Variants in SIPA1L2 observed in about 807,000 individuals in gnomAD.
SIPA1L2 encodes signal-induced proliferation-associated 1-like protein 2.
SIPA1L2 carries 56 observed loss-of-function variants against 163.9 expected under a neutral mutation model. The observed-to-expected ratio is 0.34, with a 90% CI of 0.28 to 0.43. The LOEUF (loss-of-function observed/expected upper bound fraction) is 0.43. SIPA1L2 is among the 20% of genes least tolerant of loss of function. SIPA1L2 has a pLI of 1.00. For synonymous variants in SIPA1L2, 877 were observed against 865.7 expected, an observed-to-expected ratio of 1.01 and a Z score of -0.23; for missense variants, 1,974 against 2,193.5, an observed-to-expected ratio of 0.90 and a Z score of 2.00.
intron 2 of SIPA1L2, among the ~76,000 whole-genome samples, chr1:232,570,306 T>A (rs1305114968): frequency 3.3e-5 from 5 of 152,134 alleles, no homozygotes; most frequent in Non-Finnish European, 7.4e-5. Flanking sequence ...AATCCTAACT[T>A]CGCCAATGGG....
intron 2 of SIPA1L2, among the ~76,000 whole-genome samples, chr1:232,523,582 A>C (rs997448366): frequency 2.6e-5 from 4 of 152,228 alleles, no homozygotes; most frequent in Non-Finnish European, 5.9e-5. Context: ...AATCTGTCCT[A>C]TTCTTTAAAT....
chr1:232,540,867 C>A (rs1348894779), intron 2 of SIPA1L2, among the ~76,000 whole-genome samples: 1 of 152,184 alleles, frequency 6.6e-6, no homozygotes, highest in Admixed American at 6.5e-5. Flanking sequence ...TTACAGAACA[C>A]TCACTGTGTG....
At chr1:232,475,313 G>A (rs940512142) in intron 7 of SIPA1L2, among the ~76,000 whole-genome samples, 1 of 152,118 alleles carries the variant, frequency 6.6e-6, no homozygotes. Context: ...CTCTTGCCTG[G>A]AAAGCTCCTC....
At chr1:232,411,483 C>T (rs1660953717) in intron 19 of SIPA1L2, among the ~76,000 whole-genome samples, 2 of 152,020 alleles carry the variant, frequency 1.3e-5, no homozygotes, top group Non-Finnish European at 2.9e-5. Flanking sequence ...TTCATTTGTA[C>T]TTTTTTATAT....
At chr1:232,479,455 C>T (rs747425689) in intron 7 of SIPA1L2, among the ~76,000 whole-genome samples, 172 bp downstream of exon 7, 10 of 152,184 alleles carry the variant, frequency 6.6e-5, no homozygotes, top group Non-Finnish European at 1.0e-4. Context: ...TGCAACAATA[C>T]GCCCTTTAAA....
intron 2 of SIPA1L2, among the ~76,000 whole-genome samples, 74 bp downstream of exon 2, chr1:232,574,100 T>C (rs1165131731): frequency 1.3e-5 from 2 of 152,110 alleles, no homozygotes; most frequent in Non-Finnish European, 2.9e-5. Context: ...TAAAAAAAAT[T>C]AGTGGGACAC....
At chr1:232,450,265 G>A (rs1022615347) in intron 10 of SIPA1L2, among the ~76,000 whole-genome samples, 20 of 152,056 alleles carry the variant, frequency 1.3e-4, no homozygotes, top group Non-Finnish European at 2.4e-4. Context: ...AATTACATTG[G>A]GTTGCATCAT....
At chr1:232,495,489 T>A (rs1666136296) in intron 3 of SIPA1L2, among the ~76,000 whole-genome samples, 1 of 146,758 alleles carries the variant, frequency 6.8e-6, no homozygotes, top group Non-Finnish European at 1.5e-5. Flanking sequence ...GGCGTGAACC[T>A]GGGAGGTGGA....
chr1:232,497,236 T>C (rs565233046), intron 3 of SIPA1L2, among the ~76,000 whole-genome samples: 21 of 152,328 alleles, frequency 1.4e-4, no homozygotes, highest in Non-Finnish European at 2.2e-4. Context: ...CTACACTGAT[T>C]GTGGCAATGG....
In SIPA1L2 at chr1:232,445,523, C is replaced by A; in HGVS notation, c.3353+6G>T. ...GCCCCCCTTGAGGAAACGGAACCAG[C>A]ATTACCTCGTGCCATCGGGCAGCTT... On this transcript the variant is annotated splice_donor_region_variant and intron_variant, in intron 11 of 22. Coordinates refer to ENST00000674635, the MANE Select transcript of SIPA1L2 (RefSeq NM_020808.5). The A allele has an allele frequency of 2.5e-6, 4 of 1,613,546 alleles. No individual in the cohort carries two copies. Among genetic ancestry groups the A allele is most frequent in the Non-Finnish European group, 3.4e-6 (4 of 1,179,834 alleles).
chr1:232,490,904 T>C lies in SIPA1L2; in HGVS notation c.1776A>G (p.Ser592=). 1 of 1,614,090 alleles carries C rather than the reference T, an allele frequency of 6.2e-7. No individual in the cohort carries two copies. Among genetic ancestry groups the C allele is most frequent in the African/African-American group, 1.3e-5 (1 of 75,050 alleles). Residue 592 remains serine (S), a synonymous_variant, in exon 5 of 23, where the codon TCA becomes TCG. Transcript: ENST00000674635. Reference sequence around the variant, plus strand: ...GTTCATCAAGCTTGAGCAGCTGCTCTGAGACCTTGGGTGAGTTGGAAGCCT... The same window carrying C: ...GTTCATCAAGCTTGAGCAGCTGCTCCGAGACCTTGGGTGAGTTGGAAGCCT... The part of the protein sequence containing the change: ...LRQASNSPKV[S]EQLLKLDEQG...
At chr1:232,511,071 C>T (rs61168049) in intron 3 of SIPA1L2, among the ~76,000 whole-genome samples, 2,594 of 152,222 alleles carry the variant, frequency 0.017, 86 homozygotes, top group African/African-American at 0.06. Flanking sequence ...TCTCCATCTC[C>T]CTTTCCAAAA....
At chr1:232,441,615 C>T (rs2102862161) in intron 13 of SIPA1L2, among the ~76,000 whole-genome samples, 153 bp downstream of exon 13, 1 of 152,272 alleles carries the variant, frequency 6.6e-6, no homozygotes, top group South Asian at 2.1e-4. Flanking sequence ...CATGACCACA[C>T]CCCCTCCTGC....
At chr1:232,445,898 G>A (rs2102874294) in intron 10 of SIPA1L2, 112 bp from the exon 11 acceptor site, 1 of 1,220,764 alleles carries the variant, frequency 8.2e-7, no homozygotes, top group Non-Finnish European at 1.2e-6. Flanking sequence ...GCCTCTCCCG[G>A]CTCCAAGTCA....
At chr1:232,594,729 A>T (rs1661163518) in intron 1 of SIPA1L2, among the ~76,000 whole-genome samples, 1 of 152,082 alleles carries the variant, frequency 6.6e-6, no homozygotes, top group Admixed American at 6.5e-5. Context: ...AAAAAGTCCT[A>T]GTCTCTAAAT....
chr1:232,511,895 G>A (rs1223730787), intron 3 of SIPA1L2, among the ~76,000 whole-genome samples: 1 of 152,138 alleles, frequency 6.6e-6, no homozygotes, highest in Non-Finnish European at 1.5e-5. Context: ...TTAAACTAAA[G>A]AGCTTCTACA....
At chr1:232,498,004 T>C (rs1343321732) in intron 3 of SIPA1L2, among the ~76,000 whole-genome samples, 2 of 152,180 alleles carry the variant, frequency 1.3e-5, no homozygotes, top group African/African-American at 4.8e-5. Flanking sequence ...TCTTCCACTT[T>C]TCTTCACTTG....
chr1:232,443,727 C>A (rs748563562), intron 11 of SIPA1L2, 42 bp from the exon 12 acceptor site: 2 of 1,528,340 alleles, frequency 1.3e-6, no homozygotes, highest in Non-Finnish European at 1.8e-6. Flanking sequence ...ACTGAACTAT[C>A]TGCCAAGCCC....
chr1:232,553,667 T>C (rs1573073366), intron 2 of SIPA1L2, among the ~76,000 whole-genome samples: 1 of 152,218 alleles, frequency 6.6e-6, no homozygotes, highest in African/African-American at 2.4e-5. Flanking sequence ...ATATTTATAC[T>C]CTTACCCCTG....
Sources: gnomAD v4.1 joint callset for allele counts (sites outside exome capture counted in the v4.1 genomes callset) on GRCh38, gnomAD v4.1.1 for gene constraint, MANE v1.5 for transcripts, NCBI Gene and HGNC (gene_info 2026-07-23, HGNC 2026-07-21) for gene names.